MYO3A: variants seen among roughly 807,000 people sequenced by gnomAD.
MYO3A encodes myosin IIIA, also known as myosin-IIIa.
In MYO3A, 180 loss-of-function variants were observed where a neutral mutation model predicts 192.7. That is an observed-to-expected ratio of 0.93 (90% CI 0.83 to 1.06). MYO3A has a LOEUF of 1.06. MYO3A is among the 50% of genes least tolerant of loss of function. The pLI, the probability that MYO3A is intolerant of heterozygous loss-of-function variation, is 0.00. For missense variants in MYO3A, 1,896 were observed against 1,905.0 expected, an observed-to-expected ratio of 1.00 and a Z score of 0.09; for synonymous variants, 628 against 645.3, an observed-to-expected ratio of 0.97 and a Z score of 0.41.
chr10:26,071,021 G>C, intron 14 of MYO3A, among the ~76,000 whole-genome samples: 1 of 116,106 alleles, frequency 8.6e-6, no homozygotes, highest in East Asian at 2.1e-4. Flanking sequence ...AATCCAAACA[G>C]GATTTTTTTT....
At chr10:26,170,708 G>C (rs1187540796) in intron 29 of MYO3A, among the ~76,000 whole-genome samples, 169 bp downstream of exon 29, 1 of 152,104 alleles carries the variant, frequency 6.6e-6, no homozygotes. Flanking sequence ...TCCTATTTTG[G>C]AGTTATTTCT....
intron 2 of MYO3A, among the ~76,000 whole-genome samples, chr10:25,944,375 T>C (rs1169524108): frequency 6.6e-6 from 1 of 152,024 alleles, no homozygotes; most frequent in African/African-American, 2.4e-5. Flanking sequence ...TGTAGTGCCA[T>C]TGTCTGGTTT....
At chr10:25,979,325 A>G (rs1257472216) in intron 4 of MYO3A, among the ~76,000 whole-genome samples, 3 of 152,030 alleles carry the variant, frequency 2.0e-5, no homozygotes, top group Admixed American at 6.5e-5. Flanking sequence ...AAGCTTAAGT[A>G]GTTGTAGTAA....
rs75512668 is a variant in MYO3A, at chr10:26,031,963, G to T, written c.953+5431G>T. 5.5e-4 allele frequency among the ~76,000 whole-genome samples: 84 copies of T among 151,942 alleles called. No homozygotes were observed. In the East Asian group the frequency reaches 0.015, roughly 27 times the overall value. On this transcript the variant is annotated intron_variant, in intron 10 of 34. Transcript: ENST00000642920. ...TTCCAAATTAAAACTTCCTTTTTTT[G>T]AAAGTCATATTATTAACATGTTAAC... is the stretch of plus-strand genomic sequence containing the variant.
intron 2 of MYO3A, among the ~76,000 whole-genome samples, chr10:25,936,504 T>TAGGACAA (rs1836073583): frequency 6.6e-6 from 1 of 152,226 alleles, no homozygotes; most frequent in Non-Finnish European, 1.5e-5. Flanking sequence ...GAATTGATAA[T>TAGGACAA]TTGAATGATT....
intron 4 of MYO3A, among the ~76,000 whole-genome samples, chr10:25,995,374 C>T (rs956661057): frequency 3.3e-5 from 5 of 152,188 alleles, no homozygotes; most frequent in Non-Finnish European, 7.3e-5. Flanking sequence ...TTAAGGACTT[C>T]TCTGCATTGG....
chr10:26,043,962 C>T (rs1843499111), intron 10 of MYO3A, among the ~76,000 whole-genome samples: 1 of 152,174 alleles, frequency 6.6e-6, no homozygotes, highest in South Asian at 2.1e-4. Flanking sequence ...TCACCCAAGG[C>T]CCATGGTGTA....
In MYO3A at chr10:26,178,789, T is replaced by C. The variant is rs532063334; in HGVS notation, c.4438+1944T>C. 7.3e-4 allele frequency among the ~76,000 whole-genome samples: 111 copies of C among 152,032 alleles called. 1 individual carries two copies. The highest frequency in any genetic ancestry group is 2.6e-3 in the African/African-American group (108 of 41,448). On this transcript the variant is annotated intron_variant, in intron 31 of 34. Transcript: ENST00000642920. ...AACTCTGCTTGCCTTCTGCTTTAAATGTTTATTTATTTATTTATTTATTTA... is the reference window on the plus strand; with the variant it reads ...AACTCTGCTTGCCTTCTGCTTTAAACGTTTATTTATTTATTTATTTATTTA...
intron 20 of MYO3A, among the ~76,000 whole-genome samples, chr10:26,137,884 G>A (rs1422260995): frequency 1.3e-5 from 2 of 152,192 alleles, no homozygotes; most frequent in African/African-American, 4.8e-5. Flanking sequence ...TTTGAGGTCA[G>A]ACTGGTTCTC....
At chr10:26,117,817 C>A (rs931437229) in intron 17 of MYO3A, among the ~76,000 whole-genome samples, 1 of 151,936 alleles carries the variant, frequency 6.6e-6, no homozygotes, top group Admixed American at 6.5e-5. Context: ...ATACATGTAT[C>A]TTTATAATAG....
chr10:26,142,538 C>A (rs904737360), intron 20 of MYO3A, among the ~76,000 whole-genome samples: 14 of 152,204 alleles, frequency 9.2e-5, no homozygotes, highest in African/African-American at 3.4e-4. Context: ...CTATACTCAA[C>A]AGCAAATTAT....
At chr10:25,954,545 A>C (rs1046120079) in intron 3 of MYO3A, among the ~76,000 whole-genome samples, 4 of 152,150 alleles carry the variant, frequency 2.6e-5, no homozygotes, top group African/African-American at 9.6e-5. Flanking sequence ...TTGCCCTTGT[A>C]ACAAAGTTAA....
chr10:26,206,352 C>T (rs879873242), intron 34 of MYO3A, among the ~76,000 whole-genome samples: 5 of 148,626 alleles, frequency 3.4e-5, no homozygotes, highest in Non-Finnish European at 7.4e-5. Flanking sequence ...TGAGCCACAG[C>T]GCCCAGCCCA....
intron 14 of MYO3A, among the ~76,000 whole-genome samples, chr10:26,077,255 T>TTTTTTTTTTTTTTCA (rs1835647309): frequency 7.1e-6 from 1 of 141,650 alleles, no homozygotes; most frequent in Non-Finnish European, 1.5e-5. Context: ...TTTTTTTTTT[T>TTTTTTTTTTTTTTCA]GCAGCTGTTG....
In MYO3A at chr10:26,176,895, T is replaced by C. The variant is rs1233078739; in HGVS notation, c.4438+50T>C. Reference sequence around the variant, plus strand: ...TCCTGAATGGGAAGGAAATGCCAGATACTTTGTTTATTAGTTTCCCACCAT... The same window carrying C: ...TCCTGAATGGGAAGGAAATGCCAGACACTTTGTTTATTAGTTTCCCACCAT... On this transcript the variant is annotated intron_variant, in intron 31 of 34. Coordinates refer to ENST00000642920, the MANE Select transcript of MYO3A (RefSeq NM_017433.5). 3 of 1,590,722 alleles carry C rather than the reference T, an allele frequency of 1.9e-6. No homozygotes were observed. The African/African-American group carries it at 4.0e-5, about 21-fold the overall frequency.
chr10:26,106,991 T>C (rs111257267), intron 17 of MYO3A, among the ~76,000 whole-genome samples: 2,314 of 152,276 alleles, frequency 0.015, 37 homozygotes, highest in Middle Eastern at 0.037. Flanking sequence ...TTTCTTTTTT[T>C]CTTTGGCCTA....
chr10:26,111,392 A>G (rs1399905982), intron 17 of MYO3A, among the ~76,000 whole-genome samples: 1 of 152,218 alleles, frequency 6.6e-6, no homozygotes, highest in South Asian at 2.1e-4. Context: ...CCCAGGCATC[A>G]TAAATGACCA....
At chr10:25,963,375 C>T (rs1838060918) in intron 4 of MYO3A, among the ~76,000 whole-genome samples, 1 of 152,144 alleles carries the variant, frequency 6.6e-6, no homozygotes, top group South Asian at 2.1e-4. Flanking sequence ...TTAGTAATAT[C>T]AGGCCTGCCT....
chr10:26,084,588 T>C (rs181124620), intron 14 of MYO3A, among the ~76,000 whole-genome samples: 8 of 152,292 alleles, frequency 5.3e-5, no homozygotes, highest in African/African-American at 1.7e-4. Flanking sequence ...CTGCAGTGTC[T>C]GAACTCCTGG....
Sources: allele counts gnomAD v4.1 joint callset (sites outside exome capture counted in the v4.1 genomes callset), GRCh38; gene constraint gnomAD v4.1.1; transcripts MANE v1.5; gene names NCBI Gene and HGNC (gene_info 2026-07-23, HGNC 2026-07-21).